Variants in FHIT observed in about 807,000 individuals in gnomAD.
The protein encoded by FHIT is fragile histidine triad diadenosine triphosphatase, also known as bis(5'-adenosyl)-triphosphatase.
Under a neutral mutation model 17.9 loss-of-function variants are expected in FHIT, and 19 were observed. That is an observed-to-expected ratio of 1.06 (90% CI 0.74 to 1.56). The LOEUF (loss-of-function observed/expected upper bound fraction) is 1.56. FHIT is among the 40% of genes most tolerant of loss of function. The pLI, the probability that FHIT is intolerant of heterozygous loss-of-function variation, is 0.00. For missense variants in FHIT, 248 were observed against 189.2 expected, an observed-to-expected ratio of 1.31 and a Z score of -1.82; for synonymous variants, 81 against 69.7, an observed-to-expected ratio of 1.16 and a Z score of -0.81.
chr3:60,770,848 T>C (rs782506697), intron 4 of FHIT, among the ~76,000 whole-genome samples: 1 of 152,208 alleles, frequency 6.6e-6, no homozygotes, highest in African/African-American at 2.4e-5. Context: ...AAATGCCCCA[T>C]ATCCTTTAAT....
At chr3:60,011,691 G>T (rs1700146541) in intron 6 of FHIT, among the ~76,000 whole-genome samples, 1 of 152,274 alleles carries the variant, frequency 6.6e-6, no homozygotes, top group Non-Finnish European at 1.5e-5. Flanking sequence ...TTAAAGGAAG[G>T]CTGAAAATGT....
At chr3:61,090,977 T>G (rs886927450) in intron 2 of FHIT, among the ~76,000 whole-genome samples, 5 of 152,204 alleles carry the variant, frequency 3.3e-5, no homozygotes, top group African/African-American at 1.2e-4. Context: ...AACACTTTTC[T>G]TTCTGTCACT....
chr3:60,737,010 T>G (rs2042146729), intron 4 of FHIT, among the ~76,000 whole-genome samples: 1 of 152,158 alleles, frequency 6.6e-6, no homozygotes, highest in African/African-American at 2.4e-5. Flanking sequence ...ACCAAATAGA[T>G]TTTCCCAGAT....
chr3:59,825,765 T>C (rs562755498), intron 8 of FHIT, among the ~76,000 whole-genome samples: 3 of 152,270 alleles, frequency 2.0e-5, no homozygotes, highest in East Asian at 1.9e-4. Context: ...TGAGATACTA[T>C]TGGTCTCAGG....
Position 59,871,549 on chromosome 3 carries a change from CATA to C in FHIT, c.348+50794_348+50796del, listed in dbSNP as rs373574099. Among the ~76,000 whole-genome samples, 405 of 152,180 alleles carry C rather than the reference CATA, an allele frequency of 2.7e-3. 2 individuals are homozygous for C. Among genetic ancestry groups the C allele is most frequent in the African/African-American group, 9.3e-3 (387 of 41,500 alleles). On this transcript the variant is annotated intron_variant, in intron 8 of 9. Transcript: ENST00000492590. ...TATTTGGGTGACAAGGCTAAGCTCA[CATA>C]ATAAGTTTTACAGGCTAGCAGGAAT...
At chr3:61,195,669 T>C (rs1055321164) in intron 2 of FHIT, among the ~76,000 whole-genome samples, 6 of 152,134 alleles carry the variant, frequency 3.9e-5, no homozygotes, top group Admixed American at 3.9e-4. Context: ...ATAACTGAAG[T>C]GACAGTATTT....
chr3:60,838,997 A>C (rs140334048), intron 3 of FHIT, among the ~76,000 whole-genome samples: 5 of 152,176 alleles, frequency 3.3e-5, no homozygotes, highest in African/African-American at 1.2e-4. Flanking sequence ...AAGATGGTAC[A>C]TTTGAGAATC....
intron 1 of FHIT, among the ~76,000 whole-genome samples, chr3:61,205,227 G>T (rs866079883): frequency 9.2e-5 from 14 of 152,010 alleles, no homozygotes; most frequent in Admixed American, 2.0e-4. Context: ...ATCATTGTTG[G>T]ACATTTGGGT....
At chr3:59,978,679 C>T (rs889297391) in intron 7 of FHIT, among the ~76,000 whole-genome samples, 1 of 148,924 alleles carries the variant, frequency 6.7e-6, no homozygotes, top group Admixed American at 6.7e-5. Flanking sequence ...TACTGCAAAA[C>T]TATGTGCATA....
chr3:60,197,658 T>C (rs1181406594), intron 5 of FHIT, among the ~76,000 whole-genome samples: 1 of 152,304 alleles, frequency 6.6e-6, no homozygotes, highest in Admixed American at 6.5e-5. Flanking sequence ...AAGGGTATCT[T>C]AGTACTTCCG....
chr3:60,771,590 T>C (rs1700043735), intron 4 of FHIT, among the ~76,000 whole-genome samples: 1 of 152,178 alleles, frequency 6.6e-6, no homozygotes, highest in African/African-American at 2.4e-5. Context: ...ACAGGGCAAG[T>C]GAGACCACTG....
intron 3 of FHIT, among the ~76,000 whole-genome samples, chr3:61,010,524 A>G (rs2031730114): frequency 6.6e-6 from 1 of 152,204 alleles, no homozygotes; most frequent in African/African-American, 2.4e-5. Flanking sequence ...GCCACACAGC[A>G]TCTGGGTTTA....
intron 5 of FHIT, among the ~76,000 whole-genome samples, chr3:60,352,782 G>A (rs1699472129): frequency 2.0e-5 from 3 of 152,096 alleles, no homozygotes; most frequent in African/African-American, 7.2e-5. Context: ...ACAGGTCACT[G>A]GGTTTACAGG....
chr3:61,120,601 C>T (rs753025994), intron 2 of FHIT, among the ~76,000 whole-genome samples: 3 of 152,112 alleles, frequency 2.0e-5, no homozygotes, highest in Non-Finnish European at 4.4e-5. Flanking sequence ...AAATCCCCAA[C>T]CAACCACTGG....
chr3:60,554,498 A>G (rs2107632272), intron 4 of FHIT, among the ~76,000 whole-genome samples: 1 of 152,354 alleles, frequency 6.6e-6, no homozygotes, highest in South Asian at 2.1e-4. Flanking sequence ...CATTGTGGAC[A>G]TATTGGGACA....
intron 4 of FHIT, among the ~76,000 whole-genome samples, chr3:60,620,658 G>C (rs2039097013): frequency 6.6e-6 from 1 of 151,978 alleles, no homozygotes. Flanking sequence ...GGGAGGGAAA[G>C]AGGGATGGCT....
chr3:59,954,082 C>A (rs1373183720), intron 7 of FHIT, among the ~76,000 whole-genome samples: 2 of 152,090 alleles, frequency 1.3e-5, no homozygotes. Context: ...TTGAAGAGTG[C>A]AAAGGAGAAG....
chr3:60,738,476 A>G (rs746420344), intron 4 of FHIT, among the ~76,000 whole-genome samples: 67 of 152,318 alleles, frequency 4.4e-4, no homozygotes, highest in Non-Finnish European at 1.8e-4. Context: ...CATCAGCTCC[A>G]GGTACCAAGC....
chr3:59,847,185 C>T (rs916929903), intron 8 of FHIT, among the ~76,000 whole-genome samples: 1 of 152,112 alleles, frequency 6.6e-6, no homozygotes, highest in African/African-American at 2.4e-5. Flanking sequence ...TTCTGTCTCC[C>T]TCTTTTCCTT....
Sources: allele counts gnomAD v4.1 joint callset (sites outside exome capture counted in the v4.1 genomes callset), GRCh38; gene constraint gnomAD v4.1.1; transcripts MANE v1.5; gene names NCBI Gene and HGNC (gene_info 2026-07-23, HGNC 2026-07-21).